Variants in LRRC41 observed in about 807,000 individuals in gnomAD.
LRRC41 encodes leucine-rich repeat-containing protein 41.
Under a neutral mutation model 72.1 loss-of-function variants are expected in LRRC41, and 17 were observed. That is an observed-to-expected ratio of 0.24 (90% confidence interval 0.16 to 0.35). LRRC41 has a LOEUF of 0.35. Among genes scored for constraint, LRRC41 ranks in the 10% least tolerant of loss-of-function variants. The probability of loss-of-function intolerance (pLI) is 1.00; values close to 1 mark genes in which losing one functional copy is unlikely to be tolerated. For synonymous variants in LRRC41, 427 were observed against 431.0 expected (o/e 0.99, Z 0.11); for missense variants, 759 against 1,065.0 (o/e 0.71, Z 4.00).
rs985141027 is a variant in LRRC41 at position 46,279,419 on chromosome 1, C to T, written c.2143+73G>A. The stretch of plus-strand genomic sequence containing the variant: ...CACGTTCCCAGTGGAGAGGTCTTTG[C>T]CTTTATCCAGTGAGTTTTTAGGTCA... On this transcript the variant is annotated intron_variant, in intron 8 of 9. Coordinates refer to ENST00000617190, the MANE Select transcript of LRRC41 (RefSeq NM_006369.5). The surrounding 1 kb of genome is among the most constrained non-coding windows in gnomAD (Gnocchi z 4.5). 6.2e-7 allele frequency: 1 copy of T among 1,610,096 alleles called. No homozygotes were observed. Among genetic ancestry groups the T allele is most frequent in the African/African-American group, 1.3e-5 (1 of 74,920 alleles).
intron 3 of LRRC41, among the ~76,000 whole-genome samples, chr1:46,294,889 G>A (rs905393825): frequency 1.3e-5 from 2 of 151,974 alleles, no homozygotes; most frequent in South Asian, 2.1e-4. Context: ...CACTGTGCCC[G>A]GCCACAATTT....
At chr1:46,280,606 C>T (rs1660752930) in intron 5 of LRRC41, 46 bp from the exon 6 acceptor site, 3 of 1,593,910 alleles carry the variant, frequency 1.9e-6, no homozygotes, top group African/African-American at 2.7e-5. Flanking sequence ...ATCTCTACCT[C>T]ACTCCCATAG....
Position 46,278,205 on chromosome 1 carries a change from G to A in LRRC41, c.*660C>T, listed in dbSNP as rs761545501. On this transcript the variant is annotated 3_prime_UTR_variant, in exon 10 of 10. Coordinates refer to ENST00000617190, the MANE Select transcript of LRRC41 (RefSeq NM_006369.5). ...GCTCCGGGATGAGGTACTCCAGGCT[G>A]CCTGGGATGCTGCCTCCACTGCCAT... 2.5e-6 allele frequency: 4 copies of A among 1,613,966 alleles called. No homozygotes were observed. The Admixed American group carries it at 6.7e-5, about 27-fold the overall frequency.
Position 46,278,049 on chromosome 1 carries a change from TC to T in LRRC41, c.*815del, listed in dbSNP as rs1423994033. 3 of 1,614,030 alleles carry T rather than the reference TC, an allele frequency of 1.9e-6. No homozygotes were observed. Among genetic ancestry groups the T allele is most frequent in the Non-Finnish European group, 1.7e-6 (2 of 1,180,000 alleles). On this transcript the variant is annotated 3_prime_UTR_variant, in exon 10 of 10. Transcript: ENST00000617190. ...TAGGGAGATGGGATCTGTAGTGACT[TC>T]AGCTGTGCCTTCTGTCCCTAGGTTG...
intron 3 of LRRC41, among the ~76,000 whole-genome samples, chr1:46,290,708 G>A (rs1205771955): frequency 6.6e-6 from 1 of 150,582 alleles, no homozygotes; most frequent in Non-Finnish European, 1.5e-5. Context: ...CCGGGTTCAA[G>A]CAATTCTTGT....
Position 46,279,719 on chromosome 1 carries a change from A to C in LRRC41, c.2021-105T>G. 7.5e-7 allele frequency: 1 copy of C among 1,331,166 alleles called. No individual in the cohort carries two copies. Among genetic ancestry groups the C allele is most frequent in the African/African-American group, 1.5e-5 (1 of 68,328 alleles). 82.5% of individuals were successfully genotyped at this position (1,331,166 alleles called of 1,614,324 possible). ...AGGGGTATTAACATTATAGAGGCCC[A>C]AAAAGAGGAAGGAATTTGTCTAGAC... On this transcript the variant is annotated intron_variant, in intron 7 of 9. Coordinates refer to ENST00000617190, the MANE Select transcript of LRRC41 (RefSeq NM_006369.5). The surrounding 1 kb of genome is among the most constrained non-coding windows in gnomAD (Gnocchi z 4.5).
chr1:46,302,039 C>T lies in LRRC41; in HGVS notation c.199+1085G>A, dbSNP rs1661242900. 1 of 985,392 alleles carries T rather than the reference C, an allele frequency of 1.0e-6. No homozygotes were observed. 61.0% of individuals were successfully genotyped at this position (985,392 alleles called of 1,614,324 possible). On this transcript the variant is annotated intron_variant, in intron 1 of 9. Transcript: ENST00000617190. This position sits in a 1 kb window ranked among gnomAD's most constrained non-coding sequence, Gnocchi z 4.7. ...AAGTTTCCCTCGTCAGCGGCCAGGC[C>T]GCGGCCAGCGGTCCCCAACCCACAG...
rs1282576013 is a variant in LRRC41 at position 46,280,177 on chromosome 1, G to A, written c.2020+15C>T. 8 of 1,603,192 alleles carry A rather than the reference G, an allele frequency of 5.0e-6. No individual in the cohort carries two copies. Among genetic ancestry groups the A allele is most frequent in the African/African-American group, 2.7e-5 (2 of 74,708 alleles). On this transcript the variant is annotated intron_variant, in intron 7 of 9. Transcript: ENST00000617190. ...AAGACCCAGGAAATGTCCAGGTTCT[G>A]AATAAGGAACTTACCTTGCAGAGTC...
rs751016266 is a variant in LRRC41, at chr1:46,281,340, A to G, written c.1541T>C (p.Leu514Pro). The G allele has an allele frequency of 6.2e-7, 1 of 1,614,168 alleles. No individual in the cohort carries two copies. Among genetic ancestry groups the G allele is most frequent in the South Asian group, 1.1e-5 (1 of 91,088 alleles). The change falls in exon 5 of 10, where the codon CTG becomes CCG. Residue 514 changes from leucine to proline, a missense_variant. Leu to Pro is a moderately conservative substitution (Grantham distance 98). This residue lies in a region of LRRC41 where 427 missense variants were observed against 520.9 expected (regional missense o/e 0.82). Coordinates refer to ENST00000617190, the MANE Select transcript of LRRC41 (RefSeq NM_006369.5). ...GAGGCGACATCCAGCCTGGCCTGAC[A>G]GGGCCCGCAGGCTGTCTAGCAGGCG... ...IFRLLDSLRA[L>P]SGQAGCRLRA...
Position 46,286,176 on chromosome 1 carries a change from G to C in LRRC41, c.681C>G (p.Val227=), listed in dbSNP as rs766959588. ...GCCAGGAGTATAGCGACACTTGACT[G>C]ACAGCCCCATGGTGAATGAGCTGAT... is the stretch of plus-strand genomic sequence containing the variant. ...LLHQLIHHGA[V]SQVSLYSWPV... is the part of the protein sequence containing the mutation. The change falls in exon 4 of 10, where the codon GTC becomes GTG. Residue 227 remains valine, a synonymous_variant. Coordinates refer to ENST00000617190, the MANE Select transcript of LRRC41 (RefSeq NM_006369.5). This position sits in a 1 kb window ranked among gnomAD's most constrained non-coding sequence, Gnocchi z 5.5. The C allele has an allele frequency of 6.2e-7, 1 of 1,614,244 alleles. No individual in the cohort carries two copies. Among genetic ancestry groups the C allele is most frequent in the African/African-American group, 1.3e-5 (1 of 75,072 alleles).
intron 1 of LRRC41, chr1:46,300,730 T>C: frequency 6.6e-6 from 1 of 152,348 alleles, no homozygotes; most frequent in East Asian, 1.9e-4. Flanking sequence ...GTTTCCTCAT[T>C]GTACCCTTTC....
rs1267878359 is a variant in LRRC41, at chr1:46,280,456, G to C, written c.1861C>G (p.Leu621Val). The C allele has an allele frequency of 3.1e-6, 5 of 1,614,198 alleles. No individual in the cohort carries two copies. Among genetic ancestry groups the C allele is most frequent in the Middle Eastern group, 1.6e-4 (1 of 6,062 alleles). The part of the protein sequence containing the change: ...KASGSLQQLS[L>V]DSATFASPQD... The stretch of plus-strand genomic sequence containing the variant: ...GGAGAGGCAAAGGTGGCACTATCCA[G>C]GGACAGCTGCTGCAGAGAACCCGAG... Residue 621 changes from leucine (L) to valine (V), a missense_variant, in exon 6 of 10, where the codon CTG (leucine) becomes GTG (valine). Around this residue, in one of 4 missense-constraint regions of LRRC41, gnomAD observed 427 missense variants for 520.9 expected, o/e 0.82. Transcript: ENST00000617190.
intron 3 of LRRC41, among the ~76,000 whole-genome samples, chr1:46,293,553 T>G (rs1661061700): frequency 6.6e-6 from 1 of 152,058 alleles, no homozygotes; most frequent in Admixed American, 6.6e-5. Flanking sequence ...TGATTTGTGC[T>G]TTTACTTTTT....
chr1:46,285,493 G>C lies in LRRC41; in HGVS notation c.1364C>G (p.Ala455Gly), dbSNP rs1319778576. The C allele has an allele frequency of 6.2e-7, 1 of 1,614,156 alleles. No homozygotes were observed. Among genetic ancestry groups the C allele is most frequent in the South Asian group, 1.1e-5 (1 of 91,082 alleles). The change falls in exon 4 of 10, where the codon GCT (alanine) becomes GGT (glycine). Residue 455 changes from alanine (A) to glycine (G), a missense_variant. Around this residue, in one of 4 missense-constraint regions of LRRC41, gnomAD observed 427 missense variants for 520.9 expected, o/e 0.82. Coordinates refer to ENST00000617190, the MANE Select transcript of LRRC41 (RefSeq NM_006369.5). This position sits in a 1 kb window ranked among gnomAD's most constrained non-coding sequence, Gnocchi z 5.3. The stretch of plus-strand genomic sequence containing the variant: ...GGAGATGCTGCGGAATCTTTGTGAA[G>C]CTTCCAGTGCTGGAAGCCCCAGGCA... ...PSCLGLPALE[A>G]SQRFRSISTL...
chr1:46,301,049 T>C (rs1661211525), intron 1 of LRRC41, among the ~76,000 whole-genome samples: 1 of 152,102 alleles, frequency 6.6e-6, no homozygotes, highest in South Asian at 2.1e-4. Flanking sequence ...TTCAGTAAAC[T>C]GTCAATTGTT....
intron 3 of LRRC41, among the ~76,000 whole-genome samples, chr1:46,295,652 C>G (rs1661108623): frequency 6.6e-6 from 1 of 152,144 alleles, no homozygotes; most frequent in African/African-American, 2.4e-5. Flanking sequence ...ATGCTTTGAG[C>G]CAAGAAGACA....
At chr1:46,284,078 CAT>C (rs1401070282) in intron 4 of LRRC41, 1 of 152,174 alleles carries the variant, frequency 6.6e-6, no homozygotes, top group Non-Finnish European at 1.5e-5. Context: ...ACCCTGATGA[CAT>C]AGGTCCTTGC....
At chr1:46,290,895 A>C (rs1569652723) in intron 3 of LRRC41, among the ~76,000 whole-genome samples, 1 of 138,858 alleles carries the variant, frequency 7.2e-6, no homozygotes, top group Admixed American at 7.6e-5. Flanking sequence ...GGCGTAAGCC[A>C]CCATGCCCGG....
rs778625922 is a variant in LRRC41 at position 46,277,786 on chromosome 1, C to G, written c.*1079G>C. 6.3e-7 allele frequency: 1 copy of G among 1,577,666 alleles called. No homozygotes were observed. Among genetic ancestry groups the G allele is most frequent in the Non-Finnish European group, 8.7e-7 (1 of 1,147,898 alleles). On this transcript the variant is annotated 3_prime_UTR_variant, in exon 10 of 10. Coordinates refer to ENST00000617190, the MANE Select transcript of LRRC41 (RefSeq NM_006369.5). Reference sequence around the variant, plus strand: ...TTATGAGGATGGCTAAGCGCTGTATCTTTTGACATTCCCCACCTCCTCTTC... The same window carrying G: ...TTATGAGGATGGCTAAGCGCTGTATGTTTTGACATTCCCCACCTCCTCTTC...
Sources: allele counts gnomAD v4.1 joint callset (sites outside exome capture counted in the v4.1 genomes callset), GRCh38; gene constraint gnomAD v4.1.1; regional missense constraint gnomAD v4.1.1; non-coding constraint Gnocchi (gnomAD v3.1); transcripts MANE v1.5; gene names NCBI Gene and HGNC (gene_info 2026-07-23, HGNC 2026-07-21).